Variants in SH3KBP1 observed in about 807,000 individuals in gnomAD.
SH3KBP1 encodes SH3 domain containing kinase binding protein 1, also known as SH3 domain-containing kinase-binding protein 1.
Under a neutral mutation model 50.1 loss-of-function variants are expected in SH3KBP1, and 8 were observed. The observed-to-expected ratio is 0.16, with a 90% CI of 0.09 to 0.29. The LOEUF (loss-of-function observed/expected upper bound fraction) is 0.29, where lower values mean the gene tolerates loss of function less well. Ranked by LOEUF, SH3KBP1 falls within the 10% of genes least tolerant of loss-of-function variation. The probability of loss-of-function intolerance (pLI) is 1.00; values close to 1 mark genes in which losing one functional copy is unlikely to be tolerated. For synonymous variants in SH3KBP1, 227 were observed against 218.6 expected (o/e 1.04, Z -0.34); for missense variants, 377 against 535.2 (o/e 0.70, Z 2.92).
intron 9 of SH3KBP1, among the ~76,000 whole-genome samples, chrX:19,607,302 C>T (rs991174391): frequency 8.0e-5 from 9 of 112,490 alleles, no homozygotes; most frequent in Non-Finnish European, 1.5e-4. Context: ...GAAAGTGCTT[C>T]TAACTTCCCA....
intron 9 of SH3KBP1, among the ~76,000 whole-genome samples, chrX:19,596,567 T>C (rs1232392267): frequency 2.7e-5 from 3 of 111,466 alleles, no homozygotes; most frequent in Non-Finnish European, 5.7e-5. Flanking sequence ...TCGTGAAAAA[T>C]TTTTCTGTAT....
chrX:19,823,924 C>T (rs371100401), intron 2 of SH3KBP1, among the ~76,000 whole-genome samples: 15 of 111,782 alleles, frequency 1.3e-4, no homozygotes, highest in African/African-American at 3.9e-4. Flanking sequence ...CAGGTTCAAG[C>T]GATTTTTGTG....
Position 19,878,661 on chromosome X carries a change from T to C in SH3KBP1, c.4+8646A>G, listed in dbSNP as rs770643768. The stretch of plus-strand genomic sequence containing the variant: ...CTTGGGCTTCCAAGTGTTCTCCAAA[T>C]TGGCTGGCTGGTCCAGGAACCCCCA... On this transcript the variant is annotated intron_variant, in intron 1 of 17. Transcript: ENST00000397821. 1.2e-4 allele frequency among the ~76,000 whole-genome samples: 13 copies of C among 110,634 alleles called. No homozygotes were observed. In the East Asian group the frequency reaches 3.7e-3, roughly 31 times the overall value.
chrX:19,593,591 C>T (rs761076114), intron 10 of SH3KBP1, among the ~76,000 whole-genome samples: 1 of 111,131 alleles, frequency 9.0e-6, no homozygotes, highest in South Asian at 3.9e-4. Flanking sequence ...CCATCATAAA[C>T]TTTGGTAAAA....
intron 1 of SH3KBP1, among the ~76,000 whole-genome samples, chrX:19,868,567 T>C (rs1385541536): frequency 9.3e-6 from 1 of 107,128 alleles, no homozygotes; most frequent in Admixed American, 9.9e-5. Context: ...CTAGTACCCA[T>C]TATCCCCTTC....
intron 8 of SH3KBP1, among the ~76,000 whole-genome samples, chrX:19,614,568 A>G (rs1381640238): frequency 8.9e-6 from 1 of 111,820 alleles, no homozygotes; most frequent in Non-Finnish European, 1.9e-5. Context: ...TTAAATCACA[A>G]TTTGGGGGTG....
At chrX:19,873,954 C>A (rs181278517) in intron 1 of SH3KBP1, among the ~76,000 whole-genome samples, 2 of 96,807 alleles carry the variant, frequency 2.1e-5, no homozygotes, top group East Asian at 6.9e-4. Context: ...GAGGCTGAGG[C>A]GGGGGGATCC....
At chrX:19,804,898 C>A (rs1407199968) in intron 2 of SH3KBP1, among the ~76,000 whole-genome samples, 2 of 93,179 alleles carry the variant, frequency 2.1e-5, no homozygotes, top group Non-Finnish European at 4.3e-5. Context: ...CCCCCCCCAC[C>A]CGCTGCCATC....
chrX:19,813,350 G>A (rs1223757833), intron 2 of SH3KBP1, among the ~76,000 whole-genome samples: 1 of 107,369 alleles, frequency 9.3e-6, no homozygotes, highest in Admixed American at 1.0e-4. Context: ...CAGCCTTACT[G>A]AGGTATGATT....
chrX:19,589,467 C>T (rs557313765), intron 11 of SH3KBP1, among the ~76,000 whole-genome samples: 5 of 111,813 alleles, frequency 4.5e-5, no homozygotes, highest in South Asian at 3.7e-4. Flanking sequence ...ATTCTTCTTG[C>T]GCACAAGAAG....
intron 2 of SH3KBP1, among the ~76,000 whole-genome samples, chrX:19,826,197 C>T (rs1055787172): frequency 8.9e-6 from 1 of 112,159 alleles, no homozygotes; most frequent in Non-Finnish European, 1.9e-5. Flanking sequence ...ATGTTTAAAG[C>T]ACAGAATTCC....
intron 4 of SH3KBP1, among the ~76,000 whole-genome samples, chrX:19,702,614 G>A (rs1307878409): frequency 3.6e-5 from 4 of 109,723 alleles, no homozygotes; most frequent in African/African-American, 1.3e-4. Context: ...CCTTTCCCAG[G>A]CTCTAGATAA....
Position 19,707,088 on chromosome X carries a change from A to T in SH3KBP1, c.287-104T>A, listed in dbSNP as rs1177802297. ...AGGCAAATTAAGCTGACTTGTCTCA[A>T]ATATGCTCTCTGGGACATGGCTTGA... is the stretch of plus-strand genomic sequence containing the variant. On this transcript the variant is annotated intron_variant, in intron 3 of 17. Coordinates refer to ENST00000397821, the MANE Select transcript of SH3KBP1 (RefSeq NM_031892.3). 9 of 682,723 alleles carry T rather than the reference A, an allele frequency of 1.3e-5. No homozygotes were observed. The Admixed American group carries it at 2.0e-4, about 15-fold the overall frequency. 56.3% of individuals were successfully genotyped at this position (682,723 alleles called of 1,213,427 possible). A position where few individuals can be genotyped will look rare whatever the true frequency, so the allele number is the denominator to read the frequency against.
intron 7 of SH3KBP1, among the ~76,000 whole-genome samples, chrX:19,640,223 G>T (rs1013697896): frequency 2.7e-5 from 3 of 111,551 alleles, no homozygotes; most frequent in African/African-American, 9.8e-5. Context: ...GTCCACTCTG[G>T]CCTGAAGGCG....
chrX:19,739,014 G>GAAAAAAAAAA, intron 3 of SH3KBP1, among the ~76,000 whole-genome samples: 1 of 22,463 alleles, frequency 4.5e-5, no homozygotes, highest in Non-Finnish European at 8.8e-5. Context: ...CTGCCTCCAA[G>GAAAAAAAAAA]AAAAAAAAAA....
At chrX:19,760,980 T>G (rs909848875) in intron 2 of SH3KBP1, among the ~76,000 whole-genome samples, 1 of 107,393 alleles carries the variant, frequency 9.3e-6, no homozygotes. Context: ...GAGGGTGCAT[T>G]CCATCAAGTC....
chrX:19,723,402 G>A (rs1368645548), intron 3 of SH3KBP1, among the ~76,000 whole-genome samples: 2 of 111,881 alleles, frequency 1.8e-5, no homozygotes, highest in South Asian at 3.7e-4. Flanking sequence ...GAACTGATAC[G>A]GCAAGATTTC....
rs757953234 is a variant in SH3KBP1, at chrX:19,602,808, C to T, written c.1005+5130G>A. Among the ~76,000 whole-genome samples, 213 of 111,873 alleles carry T rather than the reference C, an allele frequency of 1.9e-3. 1 individual carries two copies. Among genetic ancestry groups the T allele is most frequent in the African/African-American group, 6.5e-3 (201 of 30,820 alleles). ...AAATGTTGACTAAGAACAGATTTTACGGACTGAGTTGTCAGAAGATGGAGG... is the reference window on the plus strand; with the variant it reads ...AAATGTTGACTAAGAACAGATTTTATGGACTGAGTTGTCAGAAGATGGAGG... On this transcript the variant is annotated intron_variant, in intron 9 of 17. Transcript: ENST00000397821.
intron 1 of SH3KBP1, among the ~76,000 whole-genome samples, chrX:19,870,052 G>A (rs1459460140): frequency 8.9e-6 from 1 of 112,126 alleles, no homozygotes; most frequent in African/African-American, 3.3e-5. Flanking sequence ...TCAAACAATG[G>A]AATACCAGAC....
Sources: allele counts gnomAD v4.1 joint callset (sites outside exome capture counted in the v4.1 genomes callset), GRCh38; gene constraint gnomAD v4.1.1; transcripts MANE v1.5; gene names NCBI Gene and HGNC (gene_info 2026-07-23, HGNC 2026-07-21).